The following FAM193A variants were observed in gnomAD, a reference collection of about 807,000 sequenced individuals.
The protein encoded by FAM193A is family with sequence similarity 193 member A.
FAM193A carries 22 observed loss-of-function variants against 126.5 expected under a neutral mutation model. That is an observed-to-expected ratio of 0.17 (90% CI 0.12 to 0.25). The LOEUF (loss-of-function observed/expected upper bound fraction) is 0.25. Among genes scored for constraint, FAM193A ranks in the 10% least tolerant of loss-of-function variants. FAM193A has a pLI of 1.00. For missense variants in FAM193A, 1,675 were observed against 1,672.8 expected (o/e 1.00, Z -0.02); for synonymous variants, 761 against 646.8 (o/e 1.18, Z -2.68).
At chr4:2,607,483 C>A (rs1303460165) in intron 2 of FAM193A, among the ~76,000 whole-genome samples, 1 of 152,114 alleles carries the variant, frequency 6.6e-6, no homozygotes, top group Non-Finnish European at 1.5e-5. Context: ...GGTGAAAATC[C>A]TATTTTGCTA....
At chr4:2,550,573 A>G (rs1737853423) in intron 1 of FAM193A, among the ~76,000 whole-genome samples, 1 of 150,966 alleles carries the variant, frequency 6.6e-6, no homozygotes, top group Non-Finnish European at 1.5e-5. Context: ...AGTAGCTGGG[A>G]TTACAGGCAT....
chr4:2,690,599 C>A (rs1215513386), intron 14 of FAM193A, 99 bp from the exon 15 acceptor site: 1 of 1,106,984 alleles, frequency 9.0e-7, no homozygotes, highest in African/African-American at 1.6e-5. Flanking sequence ...ACTTCAGTAG[C>A]ACCCCCAGTA....
chr4:2,674,169 A>G (rs1265683723), intron 13 of FAM193A, among the ~76,000 whole-genome samples: 1 of 152,246 alleles, frequency 6.6e-6, no homozygotes, highest in Non-Finnish European at 1.5e-5. Flanking sequence ...AGATACAATT[A>G]TCAAAATACT....
intron 2 of FAM193A, among the ~76,000 whole-genome samples, chr4:2,613,867 G>A (rs1474686606): frequency 6.6e-6 from 1 of 150,774 alleles, no homozygotes; most frequent in Non-Finnish European, 1.5e-5. Context: ...CCTGGGTCCC[G>A]GTTCAAGCAA....
At chr4:2,665,553 G>A (rs1394114659) in intron 12 of FAM193A, among the ~76,000 whole-genome samples, 1 of 152,090 alleles carries the variant, frequency 6.6e-6, no homozygotes, top group African/African-American at 2.4e-5. Flanking sequence ...CTGTCACCCA[G>A]GCTGGAGTGC....
chr4:2,572,423 A>T (rs986696502), intron 1 of FAM193A, among the ~76,000 whole-genome samples: 11 of 151,872 alleles, frequency 7.2e-5, no homozygotes, highest in African/African-American at 2.7e-4. Context: ...TGGAAACCAG[A>T]TTGTCTGAGG....
At position 2,690,765 on chromosome 4, in the gene FAM193A, T is replaced by A. The variant is rs1399114039; in HGVS notation, c.2598T>A (p.Asn866Lys). The A allele has an allele frequency of 1.2e-6, 2 of 1,613,976 alleles. No homozygotes were observed. Among genetic ancestry groups the A allele is most frequent in the East Asian group, 4.5e-5 (2 of 44,882 alleles). ...AAGCCCTTCCACCTCCATCTAGCAA[T>A]GAAACACCTGCAGTCTCGGATAGTA... ...RPEALPPPSS[N>K]ETPAVSDSKE... is the part of the protein sequence containing the mutation. Residue 866 changes from asparagine (N) to lysine (K), a missense_variant, in exon 15 of 21, where the codon AAT becomes AAA. Coordinates refer to ENST00000637812, the MANE Select transcript of FAM193A (RefSeq NM_001366318.2).
At chr4:2,726,950 CAAAAAA>C (rs35697253) in intron 20 of FAM193A, among the ~76,000 whole-genome samples, 5 of 104,052 alleles carry the variant, frequency 4.8e-5, no homozygotes, top group South Asian at 3.4e-4. Context: ...AACTCCGTCC[CAAAAAA>C]AAAAAAAAAA....
In FAM193A at chr4:2,700,342, G is replaced by C; in HGVS notation, c.4170G>C (p.Glu1390Asp). ...LMSITEQKREERKVNSNNNNK... is the reference protein window; with the variant it reads ...LMSITEQKREDRKVNSNNNNK... ...CCATCACAGAGCAGAAAAGAGAGGA[G>C]AGAAAAGTCAACAGTAATAACAATA... The change falls in exon 19 of 21, where the codon GAG becomes GAC. Residue 1390 changes from glutamate to aspartate, a missense_variant. Physicochemically the swap from Glu to Asp is conservative, Grantham distance 45. Around this residue, in one of 4 missense-constraint regions of FAM193A, gnomAD observed 415 missense variants for 396.7 expected, o/e 1.05. Transcript: ENST00000637812. 6.2e-7 allele frequency: 1 copy of C among 1,614,046 alleles called. No homozygotes were observed. Among genetic ancestry groups the C allele is most frequent in the African/African-American group, 1.3e-5 (1 of 75,010 alleles).
At chr4:2,567,693 G>A (rs753494557) in intron 1 of FAM193A, among the ~76,000 whole-genome samples, 6 of 152,052 alleles carry the variant, frequency 3.9e-5, no homozygotes, top group East Asian at 1.9e-4. Flanking sequence ...TGCCTTCTGC[G>A]TTACCAGTAG....
In FAM193A at chr4:2,689,338, A is replaced by G. The variant is rs554455934; in HGVS notation, c.2332-168A>G. The stretch of plus-strand genomic sequence containing the variant: ...AATTTGACCTGTCGTGTACAGTCTC[A>G]TAAATCAAGTCCATGTTTTGTGAGA... On this transcript the variant is annotated intron_variant, in intron 13 of 20. Coordinates refer to ENST00000637812, the MANE Select transcript of FAM193A (RefSeq NM_001366318.2). Among the ~76,000 whole-genome samples, 341 of 152,346 alleles carry G rather than the reference A, an allele frequency of 2.2e-3. 2 individuals are homozygous for G. Among genetic ancestry groups the G allele is most frequent in the Middle Eastern group, 6.8e-3 (2 of 294 alleles).
chr4:2,731,913 G>A lies in FAM193A; in HGVS notation c.*45G>A. ...GGACACGCGAGAGGCAGGCCAGGCT[G>A]CACCACCCCAAGAGCCACGCCCCTC... On this transcript the variant is annotated 3_prime_UTR_variant, in exon 21 of 21. Coordinates refer to ENST00000637812, the MANE Select transcript of FAM193A (RefSeq NM_001366318.2). The A allele has an allele frequency of 6.9e-7, 1 of 1,439,726 alleles. No homozygotes were observed. The highest frequency in any genetic ancestry group is 9.8e-7 in the Non-Finnish European group (1 of 1,022,792). 89.2% of individuals were successfully genotyped at this position (1,439,726 alleles called of 1,614,324 possible). A position where few individuals can be genotyped will look rare whatever the true frequency, so the allele number is the denominator to read the frequency against.
chr4:2,624,082 C>T lies in FAM193A; in HGVS notation c.502-1180C>T, dbSNP rs542018770. On this transcript the variant is annotated intron_variant, in intron 2 of 20. Coordinates refer to ENST00000637812, the MANE Select transcript of FAM193A (RefSeq NM_001366318.2). ...TGGTGCCGATGGAAGGGTAACTGAG[C>T]GGGAGGAGGAACCTAGGGTTGTGTT... Among the ~76,000 whole-genome samples the T allele has an allele frequency of 1.1e-4, 16 of 152,120 alleles. No homozygotes were observed. The East Asian group carries it at 2.3e-3, about 22-fold the overall frequency.
chr4:2,638,541 G>A (rs1281650492), intron 5 of FAM193A, among the ~76,000 whole-genome samples: 1 of 152,168 alleles, frequency 6.6e-6, no homozygotes, highest in African/African-American at 2.4e-5. Flanking sequence ...TACTGGAAAT[G>A]TTAACAAAAC....
chr4:2,599,244 GCCT>G (rs888835445), intron 2 of FAM193A, among the ~76,000 whole-genome samples: 6 of 151,584 alleles, frequency 4.0e-5, no homozygotes, highest in Non-Finnish European at 2.9e-5. Context: ...CACTTTTATG[GCCT>G]CCTTCCACTT....
rs2108793833 is a variant in FAM193A at position 2,536,660 on chromosome 4, T to A, written c.-256T>A. On this transcript the variant is annotated 5_prime_UTR_variant, in exon 1 of 21. Transcript: ENST00000637812. Reference sequence around the variant, plus strand: ...ACGTAAACTGGGATCCCTTTCCCCTTGTGTCCGCCATATTGGACTCTAACT... The same window carrying A: ...ACGTAAACTGGGATCCCTTTCCCCTAGTGTCCGCCATATTGGACTCTAACT... 6.8e-6 allele frequency: 1 copy of A among 146,676 alleles called. No homozygotes were observed. Among genetic ancestry groups the A allele is most frequent in the Non-Finnish European group, 1.5e-5 (1 of 66,364 alleles). 9.1% of individuals were successfully genotyped at this position (146,676 alleles called of 1,614,324 possible). A position where few individuals can be genotyped will look rare whatever the true frequency, so the allele number is the denominator to read the frequency against.
intron 15 of FAM193A, among the ~76,000 whole-genome samples, chr4:2,692,764 T>C (rs1443463310): frequency 6.6e-6 from 1 of 150,712 alleles, no homozygotes; most frequent in African/African-American, 2.4e-5. Flanking sequence ...AAATGGAATA[T>C]GGGTTATACC....
chr4:2,686,488 C>T (rs755163305), intron 13 of FAM193A, among the ~76,000 whole-genome samples: 6 of 152,144 alleles, frequency 3.9e-5, no homozygotes, highest in African/African-American at 4.8e-5. Context: ...AATGTTGTGA[C>T]TTACAGATGC....
intron 2 of FAM193A, among the ~76,000 whole-genome samples, chr4:2,619,648 C>T (rs957172920): frequency 8.6e-5 from 13 of 151,640 alleles, no homozygotes; most frequent in Admixed American, 1.3e-4. Context: ...GGATAATAGG[C>T]GTGAGCCACC....
Sources: gnomAD v4.1 joint callset for allele counts (sites outside exome capture counted in the v4.1 genomes callset) on GRCh38, gnomAD v4.1.1 for gene constraint, gnomAD v4.1.1 regional missense constraint, MANE v1.5 for transcripts, NCBI Gene and HGNC (gene_info 2026-07-23, HGNC 2026-07-21) for gene names.